The following OGA variants were observed in gnomAD, a reference collection of about 807,000 sequenced individuals.
OGA encodes the protein O-GlcNAcase, also known as protein O-GlcNAcase.
OGA carries 21 observed loss-of-function variants against 102.0 expected under a neutral mutation model. The ratio of observed to expected loss-of-function variants is 0.21; its 90% CI spans 0.15 to 0.30. OGA has a LOEUF of 0.30. Among genes scored for constraint, OGA ranks in the 10% least tolerant of loss-of-function variants. The pLI, the probability that OGA is intolerant of heterozygous loss-of-function variation, is 1.00. For missense variants in OGA, 765 were observed against 1,107.8 expected, an observed-to-expected ratio of 0.69 and a Z score of 4.39; for synonymous variants, 408 against 378.2, an observed-to-expected ratio of 1.08 and a Z score of -0.91.
At chr10:101,800,774 T>C (rs1053870574) in intron 7 of OGA, among the ~76,000 whole-genome samples, 27 of 142,846 alleles carry the variant, frequency 1.9e-4, no homozygotes, top group African/African-American at 5.8e-4. Context: ...GTAACTTCTT[T>C]TTTTTTTTTT....
chr10:101,795,363 A>G (rs1156515352), intron 10 of OGA, among the ~76,000 whole-genome samples: 1 of 152,220 alleles, frequency 6.6e-6, no homozygotes, highest in Non-Finnish European at 1.5e-5. Flanking sequence ...CCTTAAATCT[A>G]CCTGAGCTAC....
intron 8 of OGA, 54 bp from the exon 9 acceptor site, chr10:101,799,509 A>G: frequency 6.6e-7 from 1 of 1,511,324 alleles, no homozygotes; most frequent in East Asian, 2.3e-5. Context: ...AATCAGAATT[A>G]GAGATAGAAC....
intron 14 of OGA, among the ~76,000 whole-genome samples, chr10:101,789,656 T>A (rs941387679): frequency 2.6e-5 from 4 of 151,890 alleles, no homozygotes; most frequent in African/African-American, 9.7e-5. Flanking sequence ...ATAAAAACTA[T>A]CCTCAAGAAG....
intron 8 of OGA, 41 bp from the exon 9 acceptor site, chr10:101,799,496 G>A (rs769115626): frequency 1.3e-6 from 2 of 1,553,048 alleles, no homozygotes; most frequent in Admixed American, 1.9e-5. Flanking sequence ...TGGTCACACA[G>A]ATAATCAGAA....
rs41291486 is a variant in OGA, at chr10:101,785,613, A to G, written c.*838T>C. ...GCACTTTAAAAATAATAAAACTTCA[A>G]AAAGAACAAAAACAACCCCAAACCC... is the stretch of plus-strand genomic sequence containing the variant. On this transcript the variant is annotated 3_prime_UTR_variant, in exon 16 of 16. Coordinates refer to ENST00000361464, the MANE Select transcript of OGA (RefSeq NM_012215.5). The G allele has an allele frequency of 0.026, 3,947 of 152,704 alleles. 92 individuals are homozygous for G. Among genetic ancestry groups the G allele is most frequent in the Middle Eastern group, 0.068 (20 of 294 alleles). 9.5% of individuals were successfully genotyped at this position (152,704 alleles called of 1,614,324 possible). A position where few individuals can be genotyped will look rare whatever the true frequency, so the allele number is the denominator to read the frequency against.
chr10:101,795,322 C>A (rs969054351), intron 10 of OGA, among the ~76,000 whole-genome samples: 2 of 152,178 alleles, frequency 1.3e-5, no homozygotes, highest in African/African-American at 2.4e-5. Flanking sequence ...TCAGTCGCTG[C>A]GCAAACGTGA....
At position 101,799,294 on chromosome 10, in the gene OGA, T is replaced by G; in HGVS notation, c.1357A>C (p.Lys453Gln). 6.2e-7 allele frequency: 1 copy of G among 1,614,162 alleles called. No homozygotes were observed. Among genetic ancestry groups the G allele is most frequent in the South Asian group, 1.1e-5 (1 of 91,078 alleles). Residue 453 changes from lysine to glutamine, a missense_variant, in exon 9 of 16, where the codon AAG (lysine) becomes CAG (glutamine). By Grantham distance (53) the Lys-to-Gln change is moderately conservative. Coordinates refer to ENST00000361464, the MANE Select transcript of OGA (RefSeq NM_012215.5). ...ALSGEPTTLT[K>Q]EEEKKQPDEE... Reference sequence around the variant, plus strand: ...TCAGGCTGTTTCTTTTCTTCTTCCTTGGTCAGAGTAGTAGGCTCACCACTC... The same window carrying G: ...TCAGGCTGTTTCTTTTCTTCTTCCTGGGTCAGAGTAGTAGGCTCACCACTC...
At chr10:101,805,109 T>TCA (rs1329890834) in intron 6 of OGA, among the ~76,000 whole-genome samples, 1 of 151,910 alleles carries the variant, frequency 6.6e-6, no homozygotes, top group East Asian at 1.9e-4. Flanking sequence ...TGATCACAGC[T>TCA]CACTGCAGCC....
chr10:101,796,144 G>A (rs1019368529), intron 10 of OGA, among the ~76,000 whole-genome samples: 1 of 152,142 alleles, frequency 6.6e-6, no homozygotes. Flanking sequence ...ATCCCTATAA[G>A]AATGAATTAT....
intron 10 of OGA, chr10:101,796,102 A>C (rs2065312706): frequency 5.6e-6 from 1 of 179,560 alleles, no homozygotes; most frequent in Non-Finnish European, 1.1e-5. Context: ...TCAGGTTCAA[A>C]ATTCCTAAGG....
chr10:101,809,917 C>T (rs946138903), intron 4 of OGA, among the ~76,000 whole-genome samples: 1 of 151,224 alleles, frequency 6.6e-6, no homozygotes, highest in African/African-American at 2.4e-5. Flanking sequence ...ATGGCACGCA[C>T]CTATAGTCCC....
At position 101,786,403 on chromosome 10, in the gene OGA, C is replaced by T. The variant is rs1386080629; in HGVS notation, c.*48G>A. ...GTATGAAGACCTCAACTACCATTCACAAGGTGCAGTTAAGAGACTTTTGGA... is the reference window on the plus strand; with the variant it reads ...GTATGAAGACCTCAACTACCATTCATAAGGTGCAGTTAAGAGACTTTTGGA... On this transcript the variant is annotated 3_prime_UTR_variant, in exon 16 of 16. Coordinates refer to ENST00000361464, the MANE Select transcript of OGA (RefSeq NM_012215.5). 6.6e-7 allele frequency: 1 copy of T among 1,511,772 alleles called. No homozygotes were observed. The highest frequency in any genetic ancestry group is 2.3e-5 in the Admixed American group (1 of 43,950). 93.6% of individuals were successfully genotyped at this position (1,511,772 alleles called of 1,614,324 possible). A position where few individuals can be genotyped will look rare whatever the true frequency, so the allele number is the denominator to read the frequency against.
intron 1 of OGA, among the ~76,000 whole-genome samples, chr10:101,816,149 G>C (rs1193402792): frequency 6.6e-6 from 1 of 152,078 alleles, no homozygotes; most frequent in Non-Finnish European, 1.5e-5. Flanking sequence ...TGCAGTCCCA[G>C]CTACTTGGGA....
chr10:101,818,221 GC>G lies in OGA; in HGVS notation c.-200del. 7.4e-7 allele frequency: 1 copy of G among 1,344,078 alleles called. No homozygotes were observed. The highest frequency in any genetic ancestry group is 9.5e-7 in the Non-Finnish European group (1 of 1,051,580). 83.3% of individuals were successfully genotyped at this position (1,344,078 alleles called of 1,614,324 possible). On this transcript the variant is annotated 5_prime_UTR_variant, in exon 1 of 16. Transcript: ENST00000361464. ...GAGAAGGGCGGCGGCACCGGCGCGAGCCCTTTGTCAGCCGCAGCCTCGGCTT... is the reference window on the plus strand; with the variant it reads ...GAGAAGGGCGGCGGCACCGGCGCGAGCCTTTGTCAGCCGCAGCCTCGGCTT...
At chr10:101,789,823 A>T (rs1285291548) in intron 14 of OGA, among the ~76,000 whole-genome samples, 1 of 152,118 alleles carries the variant, frequency 6.6e-6, no homozygotes, top group African/African-American at 2.4e-5. Context: ...AAAAAATACA[A>T]AAAAGTTAGC....
At chr10:101,815,691 G>C (rs1215444646) in intron 1 of OGA, among the ~76,000 whole-genome samples, 1 of 151,780 alleles carries the variant, frequency 6.6e-6, no homozygotes, top group Non-Finnish European at 1.5e-5. Context: ...CATCCTTTCA[G>C]AGTTGCTCCA....
intron 13 of OGA, 33 bp downstream of exon 13, chr10:101,791,321 G>T: frequency 6.5e-7 from 1 of 1,538,454 alleles, no homozygotes; most frequent in Non-Finnish European, 9.0e-7. Flanking sequence ...ACTATGAAAG[G>T]TCTACTCTCA....
At chr10:101,806,185 C>T in intron 5 of OGA, 42 bp from the exon 6 acceptor site, 1 of 1,240,570 alleles carries the variant, frequency 8.1e-7, no homozygotes, top group Non-Finnish European at 1.2e-6. Flanking sequence ...AATTAAAATG[C>T]TCATGGGTTT....
At chr10:101,803,572 A>G (rs944473601) in intron 7 of OGA, among the ~76,000 whole-genome samples, 163 bp downstream of exon 7, 2 of 152,172 alleles carry the variant, frequency 1.3e-5, no homozygotes, top group African/African-American at 4.8e-5. Flanking sequence ...ATACCATAAT[A>G]AAACCACTTG....
Sources: gnomAD v4.1 joint callset for allele counts (sites outside exome capture counted in the v4.1 genomes callset) on GRCh38, gnomAD v4.1.1 for gene constraint, MANE v1.5 for transcripts, NCBI Gene and HGNC (gene_info 2026-07-23, HGNC 2026-07-21) for gene names.